Variants in SUPT3H observed in about 807,000 individuals in gnomAD.
The protein encoded by SUPT3H is SPT3 homolog, SAGA and STAGA complex component.
SUPT3H carries 44 observed loss-of-function variants against 44.3 expected under a neutral mutation model. The ratio of observed to expected loss-of-function variants is 0.99; its 90% CI spans 0.78 to 1.28. The LOEUF is 1.28. SUPT3H is among the 50% of genes most tolerant of loss of function. SUPT3H has a pLI of 0.00. For missense variants in SUPT3H, 380 were observed against 387.1 expected (o/e 0.98, Z 0.15); for synonymous variants, 124 against 125.6 (o/e 0.99, Z 0.09).
chr6:44,968,287 G>A (rs181450953), intron 6 of SUPT3H, among the ~76,000 whole-genome samples: 8 of 152,196 alleles, frequency 5.3e-5, no homozygotes, highest in East Asian at 3.9e-4. Flanking sequence ...TCAGCAATGC[G>A]GCAACATGTA....
intron 10 of SUPT3H, among the ~76,000 whole-genome samples, chr6:44,888,533 G>C (rs1443614018): frequency 6.6e-6 from 1 of 152,172 alleles, no homozygotes; most frequent in Non-Finnish European, 1.5e-5. Flanking sequence ...TACCTCAATA[G>C]ATGCAGAAAA....
chr6:44,819,619 C>A lies in SUPT3H; in HGVS notation c.*53-10118G>T, dbSNP rs558113932. On this transcript the variant is annotated intron_variant and NMD_transcript_variant, in intron 11 of 11. Coordinates refer to the SUPT3H transcript ENST00000475057. The stretch of plus-strand genomic sequence containing the variant: ...TAAGCCTGAGCAACATAGTGAGACC[C>A]TGTCTCTATAAAAAGAAAAAAAAAA... Among the ~76,000 whole-genome samples the A allele has an allele frequency of 1.5e-3, 231 of 151,406 alleles. 1 individual carries two copies. Among genetic ancestry groups the A allele is most frequent in the African/African-American group, 5.3e-3 (218 of 41,256 alleles).
chr6:45,070,790 TTC>T (rs1476552695), intron 3 of SUPT3H, among the ~76,000 whole-genome samples: 2 of 149,052 alleles, frequency 1.3e-5, no homozygotes, highest in Non-Finnish European at 3.0e-5. Context: ...TGAAAGCAAT[TTC>T]TTTTTACAAA....
chr6:45,237,099 T>C (rs892333879), intron 2 of SUPT3H, among the ~76,000 whole-genome samples: 1 of 152,210 alleles, frequency 6.6e-6, no homozygotes, highest in South Asian at 2.1e-4. Flanking sequence ...AAAGTGAAAC[T>C]AAACGAATAG....
At chr6:44,944,601 A>G (rs879518182) in intron 9 of SUPT3H, among the ~76,000 whole-genome samples, 1 of 151,546 alleles carries the variant, frequency 6.6e-6, no homozygotes, top group Non-Finnish European at 1.5e-5. Context: ...TCTACAAAAA[A>G]AAATACAATA....
intron 3 of SUPT3H, among the ~76,000 whole-genome samples, chr6:45,038,221 T>G (rs1787978453): frequency 6.6e-6 from 1 of 152,130 alleles, no homozygotes; most frequent in Non-Finnish European, 1.5e-5. Context: ...AGTCTCAAAT[T>G]TATCTCCCTG....
At chr6:45,262,060 GA>G (rs1278764736) in intron 2 of SUPT3H, among the ~76,000 whole-genome samples, 3 of 152,100 alleles carry the variant, frequency 2.0e-5, no homozygotes, top group African/African-American at 7.2e-5. Flanking sequence ...AAACACTGCT[GA>G]AAGAAATCAG....
rs371682698 is a variant in SUPT3H at position 44,928,560 on chromosome 6, CTCTTA to C, written c.912+4088_912+4092del. On this transcript the variant is annotated intron_variant, in intron 10 of 10. Coordinates refer to ENST00000371459, the MANE Select transcript of SUPT3H (RefSeq NM_003599.4). Reference sequence around the variant, plus strand: ...ATTACTTAAGAAGGTAAGATACCTTCTCTTATCTTCTGTGTAGGATTGAGAATAAA... The same window carrying C: ...ATTACTTAAGAAGGTAAGATACCTTCTCTTCTGTGTAGGATTGAGAATAAA... Among the ~76,000 whole-genome samples the C allele has an allele frequency of 3.2e-4, 49 of 152,102 alleles. No individual in the cohort carries two copies. The East Asian group carries it at 8.9e-3, about 28-fold the overall frequency.
intron 2 of SUPT3H, among the ~76,000 whole-genome samples, chr6:45,158,281 T>TAC (rs1808241573): frequency 2.7e-5 from 1 of 37,064 alleles, no homozygotes; most frequent in African/African-American, 1.2e-4. Flanking sequence ...TATACATATA[T>TAC]ATATATATAT....
At chr6:45,143,804 T>C (rs1334926189) in intron 2 of SUPT3H, among the ~76,000 whole-genome samples, 1 of 151,888 alleles carries the variant, frequency 6.6e-6, no homozygotes, top group Admixed American at 6.6e-5. Context: ...CAGTAAAAGA[T>C]TAACCAAGAA....
At chr6:44,953,284 T>C in intron 9 of SUPT3H, 26 bp downstream of exon 9, 1 of 1,582,600 alleles carries the variant, frequency 6.3e-7, no homozygotes, top group East Asian at 2.2e-5. Context: ...CACAAATGTT[T>C]TAAGACAGAT....
intron 1 of SUPT3H, among the ~76,000 whole-genome samples, chr6:45,368,107 G>C (rs1795455882): frequency 1.3e-5 from 2 of 152,114 alleles, no homozygotes; most frequent in African/African-American, 4.8e-5. Context: ...CTGTGGAACT[G>C]AAAACCTACT....
At chr6:45,145,789 A>C (rs1470579881) in intron 2 of SUPT3H, among the ~76,000 whole-genome samples, 1 of 152,140 alleles carries the variant, frequency 6.6e-6, no homozygotes, top group Non-Finnish European at 1.5e-5. Flanking sequence ...AATATCGAGA[A>C]TCTACAATGA....
At chr6:45,259,678 G>A (rs1292462234) in intron 2 of SUPT3H, among the ~76,000 whole-genome samples, 8 of 152,030 alleles carry the variant, frequency 5.3e-5, no homozygotes, top group Admixed American at 5.2e-4. Context: ...GAAAACTTTA[G>A]TGCATAGGAA....
chr6:45,181,643 C>A (rs9381371), intron 2 of SUPT3H, among the ~76,000 whole-genome samples: 127,285 of 149,616 alleles, frequency 0.85, 54,334 homozygotes, highest in African/African-American at 0.89. Flanking sequence ...GCATATTCTC[C>A]CTCATAAGTG....
chr6:45,255,540 G>A (rs544234867), intron 2 of SUPT3H, among the ~76,000 whole-genome samples: 6 of 149,268 alleles, frequency 4.0e-5, no homozygotes, highest in African/African-American at 1.5e-4. Context: ...TGCCACCTCA[G>A]CTTCCCAAGT....
intron 2 of SUPT3H, among the ~76,000 whole-genome samples, chr6:45,107,008 A>C (rs1403205983): frequency 1.3e-5 from 2 of 152,226 alleles, no homozygotes; most frequent in African/African-American, 4.8e-5. Flanking sequence ...TTGGTAAGAA[A>C]AATTTATGTA....
chr6:45,020,511 G>A lies in SUPT3H; in HGVS notation c.273+35C>T, dbSNP rs370577342. 7.6e-5 allele frequency: 116 copies of A among 1,517,920 alleles called. No homozygotes were observed. The African/African-American group carries it at 1.4e-3, about 18-fold the overall frequency. The allele number at this position is 1,517,920 out of a possible 1,614,324, so 94.0% of individuals were successfully genotyped here. ...ACATGCAAGTTCAATTAAACAAAAC[G>A]TGGATTTTAATACAATAAAATTATG... On this transcript the variant is annotated intron_variant, in intron 4 of 10. Transcript: ENST00000371459.
chr6:44,866,860 C>T (rs1220549599), intron 10 of SUPT3H, among the ~76,000 whole-genome samples: 1 of 152,154 alleles, frequency 6.6e-6, no homozygotes, highest in African/African-American at 2.4e-5. Flanking sequence ...TCAGTGTAAA[C>T]ACAAATCATT....
Sources: allele counts gnomAD v4.1 joint callset (sites outside exome capture counted in the v4.1 genomes callset), GRCh38; gene constraint gnomAD v4.1.1; transcripts MANE v1.5; gene names NCBI Gene and HGNC (gene_info 2026-07-23, HGNC 2026-07-21).